The following ZRANB3 variants were observed in gnomAD, a reference collection of about 807,000 sequenced individuals.
ZRANB3 encodes the protein zinc finger RANBP2-type containing 3, also known as DNA annealing helicase and endonuclease ZRANB3.
In ZRANB3, 125 loss-of-function variants were observed where a neutral mutation model predicts 133.8. That is an observed-to-expected ratio of 0.93 (90% CI 0.81 to 1.08). The LOEUF is 1.08. Among genes scored for constraint, ZRANB3 ranks in the 50% least tolerant of loss-of-function variants. ZRANB3 has a pLI of 0.00. For synonymous variants in ZRANB3, 387 were observed against 432.7 expected, an observed-to-expected ratio of 0.89 and a Z score of 1.31; for missense variants, 1,229 against 1,275.5, an observed-to-expected ratio of 0.96 and a Z score of 0.56.
Position 135,498,259 on chromosome 2 carries a change from G to A in ZRANB3, c.161+6070C>T, listed in dbSNP as rs535762253. On this transcript the variant is annotated intron_variant, in intron 2 of 20. Coordinates refer to ENST00000264159, the MANE Select transcript of ZRANB3 (RefSeq NM_032143.4). ...TTGCGGGAAGTCAGGGATCCCAAAT[G>A]GAGGGACCGGCTGAAGCCATGGCAG... Among the ~76,000 whole-genome samples, 9 of 152,184 alleles carry A rather than the reference G, an allele frequency of 5.9e-5. No individual in the cohort carries two copies. In the East Asian group the frequency reaches 1.5e-3, roughly 26 times the overall value.
In ZRANB3 at chr2:135,345,653, T is replaced by C. The variant is rs1261858926; in HGVS notation, c.592-18A>G. ...ATAAAAAGCTATAATAATACAAGTG[T>C]TTGTAGTATGTTGTAATATTTTCAA... On this transcript the variant is annotated intron_variant, in intron 5 of 20. Coordinates refer to ENST00000264159, the MANE Select transcript of ZRANB3 (RefSeq NM_032143.4). 6.6e-7 allele frequency: 1 copy of C among 1,509,360 alleles called. No individual in the cohort carries two copies. Among genetic ancestry groups the C allele is most frequent in the Admixed American group, 1.8e-5 (1 of 55,730 alleles). The allele number at this position is 1,509,360 out of a possible 1,614,324, so 93.5% of individuals were successfully genotyped here.
At chr2:135,317,793 C>T (rs762836881) in intron 6 of ZRANB3, among the ~76,000 whole-genome samples, 6 of 152,116 alleles carry the variant, frequency 3.9e-5, no homozygotes, top group African/African-American at 9.7e-5. Context: ...TGATCCTAAG[C>T]GCCATATGCC....
At chr2:135,506,128 T>C (rs921279412) in intron 1 of ZRANB3, among the ~76,000 whole-genome samples, 1 of 152,128 alleles carries the variant, frequency 6.6e-6, no homozygotes. Context: ...CAGCAGTTCA[T>C]GCCTATAATC....
chr2:135,464,391 G>A (rs1025297810), intron 2 of ZRANB3, among the ~76,000 whole-genome samples: 8 of 152,200 alleles, frequency 5.3e-5, no homozygotes, highest in African/African-American at 1.9e-4. Context: ...ATGTCACACT[G>A]TTCGCCTTAG....
chr2:135,214,805 A>G (rs1419925337), intron 17 of ZRANB3, among the ~76,000 whole-genome samples: 1 of 152,248 alleles, frequency 6.6e-6, no homozygotes, highest in Non-Finnish European at 1.5e-5. Context: ...CAACTGTTAC[A>G]GAAGAGTTCA....
intron 2 of ZRANB3, among the ~76,000 whole-genome samples, chr2:135,421,889 C>CTTTTTTTTT (rs1688863028): frequency 7.0e-6 from 1 of 142,702 alleles, no homozygotes; most frequent in African/African-American, 2.6e-5. Context: ...TTTTTTTTTT[C>CTTTTTTTTT]CTTTTTTTTT....
chr2:135,492,903 A>ATAT (rs1692456438), intron 2 of ZRANB3, among the ~76,000 whole-genome samples: 2 of 151,692 alleles, frequency 1.3e-5, no homozygotes, highest in African/African-American at 4.8e-5. Flanking sequence ...AAAGGGATCC[A>ATAT]GTGGCAAAAG....
chr2:135,232,299 G>A (rs61055539), intron 12 of ZRANB3, among the ~76,000 whole-genome samples: 5 of 152,156 alleles, frequency 3.3e-5, no homozygotes, highest in Admixed American at 6.5e-5. Context: ...CTGGAAGCTC[G>A]AACTGGGTGG....
intron 2 of ZRANB3, among the ~76,000 whole-genome samples, chr2:135,472,417 G>T (rs1329450967): frequency 9.6e-4 from 145 of 151,264 alleles, no homozygotes; most frequent in Middle Eastern, 6.9e-3. Context: ...GGAGAATGGC[G>T]TGAACCCGGG....
chr2:135,423,994 G>A (rs747972375), intron 2 of ZRANB3, among the ~76,000 whole-genome samples: 12 of 152,074 alleles, frequency 7.9e-5, no homozygotes, highest in Non-Finnish European at 1.2e-4. Context: ...AACTGAAGCC[G>A]ACAGAGATGG....
intron 12 of ZRANB3, among the ~76,000 whole-genome samples, chr2:135,248,294 T>C (rs1001644775): frequency 1.3e-5 from 2 of 152,124 alleles, no homozygotes; most frequent in African/African-American, 4.8e-5. Context: ...GCTCGGCAAC[T>C]CCCTGTACAG....
chr2:135,382,440 C>T (rs1686755903), intron 3 of ZRANB3, among the ~76,000 whole-genome samples: 1 of 152,166 alleles, frequency 6.6e-6, no homozygotes, highest in Non-Finnish European at 1.5e-5. Context: ...TCCAGGAGAA[C>T]TTCCCCCATC....
At chr2:135,312,044 T>C (rs2104822405) in intron 8 of ZRANB3, among the ~76,000 whole-genome samples, 1 of 152,132 alleles carries the variant, frequency 6.6e-6, no homozygotes, top group Non-Finnish European at 1.5e-5. Flanking sequence ...GGAATATCTC[T>C]ATTTTCATGG....
At chr2:135,210,598 G>GA (rs1465249924) in intron 17 of ZRANB3, among the ~76,000 whole-genome samples, 1 of 152,090 alleles carries the variant, frequency 6.6e-6, no homozygotes, top group African/African-American at 2.4e-5. Context: ...CCAAGTGCTG[G>GA]AATTACAGGT....
intron 2 of ZRANB3, among the ~76,000 whole-genome samples, chr2:135,459,664 A>T (rs1306787580): frequency 6.6e-6 from 1 of 152,234 alleles, no homozygotes; most frequent in Non-Finnish European, 1.5e-5. Flanking sequence ...AAAAGTTTTC[A>T]TCCAGTTCCA....
intron 1 of ZRANB3, chr2:135,510,718 A>G (rs1180534573): frequency 1.3e-6 from 1 of 798,284 alleles, no homozygotes; most frequent in Non-Finnish European, 2.3e-6. Flanking sequence ...CTTCTCTTCC[A>G]CATTCAGACA....
chr2:135,281,046 C>T (rs1330731494), intron 8 of ZRANB3, among the ~76,000 whole-genome samples: 1 of 152,162 alleles, frequency 6.6e-6, no homozygotes, highest in Non-Finnish European at 1.5e-5. Flanking sequence ...TTGATGTCTC[C>T]TCTTAGTAAT....
In ZRANB3 at chr2:135,490,427, G is replaced by A. The variant is rs529242724; in HGVS notation, c.161+13902C>T. Among the ~76,000 whole-genome samples the A allele has an allele frequency of 1.8e-3, 267 of 152,214 alleles. 2 individuals are homozygous for A. The highest frequency in any genetic ancestry group is 6.1e-3 in the African/African-American group (255 of 41,540). On this transcript the variant is annotated intron_variant, in intron 2 of 20. Transcript: ENST00000264159. ...ATGCTCCACATCACTAATCATCAGAGAAATGCAAATCAAAACCACAATGAG... is the reference window on the plus strand; with the variant it reads ...ATGCTCCACATCACTAATCATCAGAAAAATGCAAATCAAAACCACAATGAG...
chr2:135,477,350 A>T (rs1691550668), intron 2 of ZRANB3, among the ~76,000 whole-genome samples: 1 of 152,298 alleles, frequency 6.6e-6, no homozygotes, highest in Middle Eastern at 3.4e-3. Context: ...ATTATTCTCC[A>T]TTTGCTCTCT....
Sources: allele counts gnomAD v4.1 joint callset (sites outside exome capture counted in the v4.1 genomes callset), GRCh38; gene constraint gnomAD v4.1.1; transcripts MANE v1.5; gene names NCBI Gene and HGNC (gene_info 2026-07-23, HGNC 2026-07-21).